The following BCOR variants were observed in gnomAD, a reference collection of about 807,000 sequenced individuals.
The protein encoded by BCOR is BCL-6 corepressor.
BCOR carries 10 observed loss-of-function variants against 86.7 expected under a neutral mutation model. That is an observed-to-expected ratio of 0.12 (90% CI 0.07 to 0.20). BCOR has a LOEUF of 0.20. BCOR is among the 10% of genes least tolerant of loss of function. The pLI is 1.00. For missense variants in BCOR, 1,259 were observed against 1,452.1 expected (o/e 0.87, Z 2.16); for synonymous variants, 611 against 609.0 (o/e 1.00, Z -0.05).
chrX:40,165,794 T>C (rs949978141), intron 1 of BCOR, among the ~76,000 whole-genome samples: 4 of 111,523 alleles, frequency 3.6e-5, no homozygotes, highest in African/African-American at 1.3e-4. Flanking sequence ...TCTATCTATC[T>C]AGTTTTGCTT....
intron 1 of BCOR, among the ~76,000 whole-genome samples, chrX:40,080,993 A>ACACG (rs1936081678): frequency 9.0e-6 from 1 of 110,584 alleles, no homozygotes; most frequent in African/African-American, 3.3e-5. Context: ...ACACGCGCAC[A>ACACG]CACACACACA....
chrX:40,104,052 T>A (rs1338224159), intron 1 of BCOR, among the ~76,000 whole-genome samples: 1 of 111,812 alleles, frequency 8.9e-6, no homozygotes, highest in East Asian at 2.8e-4. Context: ...GCACCTCGAC[T>A]GCAGGATTTC....
intron 11 of BCOR, among the ~76,000 whole-genome samples, chrX:40,055,729 G>C (rs1934560183): frequency 9.3e-6 from 1 of 106,955 alleles, no homozygotes; most frequent in Non-Finnish European, 1.9e-5. Flanking sequence ...GTCAAGCAAT[G>C]AATCACTGTT....
intron 1 of BCOR, among the ~76,000 whole-genome samples, chrX:40,126,395 C>T (rs1424134986): frequency 1.5e-3 from 159 of 107,672 alleles, no homozygotes; most frequent in Non-Finnish European, 2.5e-3. Context: ...TATGGTGGTG[C>T]ATGCCTGTAA....
chrX:40,088,924 T>A (rs781323935), intron 1 of BCOR, among the ~76,000 whole-genome samples: 2 of 111,967 alleles, frequency 1.8e-5, no homozygotes, highest in African/African-American at 6.5e-5. Context: ...TTCCTAACCA[T>A]ATAATGATCC....
chrX:40,148,802 G>A (rs1569196201), intron 1 of BCOR, among the ~76,000 whole-genome samples: 2 of 111,590 alleles, frequency 1.8e-5, no homozygotes, highest in Non-Finnish European at 3.8e-5. Flanking sequence ...GGCCCAGCGG[G>A]TTGAGAGAGG....
intron 10 of BCOR, among the ~76,000 whole-genome samples, chrX:40,059,699 G>A (rs1439347500): frequency 2.6e-5 from 3 of 113,226 alleles, no homozygotes; most frequent in Non-Finnish European, 3.7e-5. Context: ...AACTGTTTTT[G>A]TTGGACAATT....
intron 1 of BCOR, among the ~76,000 whole-genome samples, chrX:40,107,184 C>T (rs1215198133): frequency 2.7e-5 from 3 of 112,067 alleles, no homozygotes; most frequent in Non-Finnish European, 5.6e-5. Context: ...CAGCCCCCTC[C>T]CGTATAGGAT....
chrX:40,072,762 T>G lies in BCOR; in HGVS notation c.2584A>C (p.Ile862Leu), dbSNP rs2147207576. 2 of 1,211,905 alleles carry G rather than the reference T, an allele frequency of 1.7e-6. No homozygotes were observed. Among genetic ancestry groups the G allele is most frequent in the African/African-American group, 3.5e-5 (2 of 57,802 alleles). The part of the protein sequence containing the change: ...FIALREELGR[I>L]SDFHETYTFK... ...GTATAAGTTTCGTGGAAGTCACTGA[T>G]GCGCCCCAACTCCTCTCTCAGGGCG... Residue 862 changes from isoleucine (I) to leucine (L), a missense_variant, in exon 4 of 15, where the codon ATC becomes CTC. Physicochemically the swap from Ile to Leu is conservative, Grantham distance 5 (BLOSUM62 2). Coordinates refer to ENST00000378444, the MANE Select transcript of BCOR (RefSeq NM_001123385.2).
At chrX:40,102,686 C>T (rs932554476), upstream of BCOR, among the ~76,000 whole-genome samples, 12 of 113,712 alleles carry the variant, frequency 1.1e-4, no homozygotes, top group Middle Eastern at 4.6e-3. Flanking sequence ...TCCACTCCCA[C>T]CGGGTCCCTG....
At chrX:40,115,995 A>G (rs897679919) in intron 1 of BCOR, among the ~76,000 whole-genome samples, 6 of 111,060 alleles carry the variant, frequency 5.4e-5, no homozygotes, top group African/African-American at 2.0e-4. Context: ...TTACCATGGG[A>G]AAAGGTAGTT....
intron 1 of BCOR, among the ~76,000 whole-genome samples, chrX:40,128,205 A>G (rs1937567373): frequency 9.0e-6 from 1 of 111,366 alleles, no homozygotes; most frequent in Admixed American, 9.6e-5. Context: ...AGCCTGGGCA[A>G]CAGAGTGAGA....
chrX:40,101,804 G>A (rs1345273232), upstream of BCOR, among the ~76,000 whole-genome samples: 1 of 112,791 alleles, frequency 8.9e-6, no homozygotes, highest in Non-Finnish European at 1.9e-5. Context: ...GTAGGCTTCC[G>A]ATGGTCCTCC....
At position 40,162,357 on chromosome X, in the gene BCOR, C is replaced by T. The variant is rs766454236; in HGVS notation, c.-41+14650G>A. On this transcript the variant is annotated intron_variant, in intron 1 of 14. Transcript: ENST00000342274. ...GCCAGCTTATTTCAAGGGCCATCCC[C>T]TGAATGTCGCTTAGTTCTGACCCAC... is the stretch of plus-strand genomic sequence containing the variant. 3.6e-5 allele frequency among the ~76,000 whole-genome samples: 4 copies of T among 111,878 alleles called. No homozygotes were observed. The South Asian group carries it at 1.5e-3, about 42-fold the overall frequency.
Position 40,073,810 on chromosome X carries a change from G to C in BCOR, c.1536C>G (p.Pro512=), listed in dbSNP as rs1220511382. The C allele has an allele frequency of 8.2e-7, 1 of 1,212,386 alleles. No individual in the cohort carries two copies. The highest frequency in any genetic ancestry group is 1.1e-6 in the Non-Finnish European group (1 of 895,660). The change falls in exon 4 of 15, where the codon CCC becomes CCG. Residue 512 remains proline, a synonymous_variant. Coordinates refer to ENST00000378444, the MANE Select transcript of BCOR (RefSeq NM_001123385.2). ...TGTTCTCTTCGTTAGGACTTGGCCC[G>C]GGCACCACCCAGGATGAGGGAGCAG... is the stretch of plus-strand genomic sequence containing the variant. ...ISTAPSSWVV[P]GPSPNEENNG... is the part of the protein sequence containing the mutation.
chrX:40,139,425 CATAT>C (rs1156368166), intron 1 of BCOR, among the ~76,000 whole-genome samples: 24 of 1,049 alleles, frequency 0.023, 4 homozygotes, highest in South Asian at 0.048. Context: ...AATATATATA[CATAT>C]ATATATATAT....
intron 10 of BCOR, among the ~76,000 whole-genome samples, chrX:40,058,884 T>G (rs192927692): frequency 6.7e-4 from 75 of 111,780 alleles, no homozygotes; most frequent in Middle Eastern, 4.7e-3. Context: ...CTAGCCAGAC[T>G]CGAGTGGACG....
intron 1 of BCOR, among the ~76,000 whole-genome samples, chrX:40,173,201 T>C (rs1472695667): frequency 8.9e-6 from 1 of 111,813 alleles, no homozygotes; most frequent in East Asian, 2.8e-4. Flanking sequence ...CTCTGGTCAA[T>C]CCAGGCCCTA....
At chrX:40,122,895 G>A (rs1386903493) in intron 1 of BCOR, among the ~76,000 whole-genome samples, 4 of 111,896 alleles carry the variant, frequency 3.6e-5, no homozygotes, top group Non-Finnish European at 5.6e-5. Context: ...GCAAGGCCGA[G>A]CATCACACTG....
Sources: gnomAD v4.1 joint callset for allele counts (sites outside exome capture counted in the v4.1 genomes callset) on GRCh38, gnomAD v4.1.1 for gene constraint, MANE v1.5 for transcripts, NCBI Gene and HGNC (gene_info 2026-07-23, HGNC 2026-07-21) for gene names.